The following STPG4 variants were observed in gnomAD, a reference collection of about 807,000 sequenced individuals.
STPG4 encodes the protein sperm-tail PG-rich repeat containing 4.
In STPG4, 41 loss-of-function variants were observed where a neutral mutation model predicts 31.5. That is an observed-to-expected ratio of 1.30 (90% CI 1.01 to 1.69). The LOEUF (loss-of-function observed/expected upper bound fraction) is 1.69, where lower values mean the gene tolerates loss of function less well. STPG4 is among the 40% of genes most tolerant of loss of function. STPG4 has a pLI of 0.00. For synonymous variants in STPG4, 141 were observed against 103.0 expected (o/e 1.37, Z -2.24); for missense variants, 375 against 293.4 (o/e 1.28, Z -2.03).
intron 3 of STPG4, among the ~76,000 whole-genome samples, chr2:47,134,323 T>A (rs1266130275): frequency 6.6e-6 from 1 of 152,122 alleles, no homozygotes; most frequent in African/African-American, 2.4e-5. Flanking sequence ...CACAGAGTGG[T>A]TTCACTGCCC....
chr2:47,140,773 T>C (rs1686684726), intron 3 of STPG4, among the ~76,000 whole-genome samples: 1 of 152,132 alleles, frequency 6.6e-6, no homozygotes. Context: ...CCCAGACCCA[T>C]AAATAGGTGG....
intron 6 of STPG4, among the ~76,000 whole-genome samples, chr2:47,087,630 T>A (rs1007531219): frequency 6.6e-6 from 1 of 152,224 alleles, no homozygotes; most frequent in South Asian, 2.1e-4. Context: ...TAAAGTAAGG[T>A]GTTTCTCAAC....
chr2:47,151,914 G>GTTTTTT (rs1205503996), intron 2 of STPG4, among the ~76,000 whole-genome samples: 2 of 38,146 alleles, frequency 5.2e-5, no homozygotes, highest in African/African-American at 7.4e-5. Context: ...CTAGTTTTTT[G>GTTTTTT]TTTTGTTTTT....
At chr2:47,115,831 T>G (rs929151319) in intron 5 of STPG4, among the ~76,000 whole-genome samples, 1 of 152,084 alleles carries the variant, frequency 6.6e-6, no homozygotes, top group African/African-American at 2.4e-5. Context: ...TTTTTGTATT[T>G]TTATTAGAGA....
chr2:47,113,755 C>T (rs1328271078), intron 5 of STPG4, among the ~76,000 whole-genome samples: 2 of 151,906 alleles, frequency 1.3e-5, no homozygotes, highest in Non-Finnish European at 2.9e-5. Context: ...CAAATTTAGG[C>T]CGGGCGCAGT....
At chr2:47,112,696 G>A (rs1686066486) in intron 5 of STPG4, among the ~76,000 whole-genome samples, 1 of 152,172 alleles carries the variant, frequency 6.6e-6, no homozygotes, top group East Asian at 1.9e-4. Context: ...TATCAACATT[G>A]AGGCAGCCTA....
At chr2:47,090,398 T>A (rs1011337832) in intron 5 of STPG4, 24 bp from the exon 6 acceptor site, 2 of 1,414,544 alleles carry the variant, frequency 1.4e-6, no homozygotes, top group Admixed American at 4.0e-5. Context: ...AAAAAATTGC[T>A]TCATTATTAT....
At chr2:47,099,384 G>A (rs951275503) in intron 5 of STPG4, among the ~76,000 whole-genome samples, 3 of 152,212 alleles carry the variant, frequency 2.0e-5, no homozygotes, top group African/African-American at 4.8e-5. Context: ...CCCTGACAAC[G>A]CAAATGGCTA....
intron 5 of STPG4, among the ~76,000 whole-genome samples, chr2:47,097,638 AG>A (rs1435137231): frequency 6.6e-6 from 1 of 152,192 alleles, no homozygotes; most frequent in African/African-American, 2.4e-5. Flanking sequence ...TCTATGAGGA[AG>A]GGGCCCTCAT....
chr2:47,116,148 T>G (rs902744852), intron 5 of STPG4, among the ~76,000 whole-genome samples: 5 of 152,224 alleles, frequency 3.3e-5, no homozygotes, highest in African/African-American at 1.2e-4. Flanking sequence ...GGGGCCTATG[T>G]CCAGTGGCTG....
Position 47,130,248 on chromosome 2 carries a change from A to G in STPG4, c.412T>C (p.Ser138Pro). ...GGAAGCACGTTGTATTGCCCCGGAG[A>G]AAGCTGAAGTGACTGCACAGAATGG... ...LVDKDQSLQL[S>P]PGQYNVLPAP... Residue 138 changes from serine to proline, a missense_variant, in exon 4 of 7, where the codon TCT becomes CCT. Ser to Pro is a moderately conservative substitution (Grantham distance 74, BLOSUM62 -1). Coordinates refer to ENST00000445927, the MANE Select transcript of STPG4 (RefSeq NM_001163561.2). 2 of 1,614,108 alleles carry G rather than the reference A, an allele frequency of 1.2e-6. No individual in the cohort carries two copies. Among genetic ancestry groups the G allele is most frequent in the African/African-American group, 2.7e-5 (2 of 75,056 alleles).
intron 5 of STPG4, among the ~76,000 whole-genome samples, chr2:47,099,237 A>G (rs34511368): frequency 0.14 from 21,849 of 151,578 alleles, 1,660 homozygotes; most frequent in Non-Finnish European, 0.16. Flanking sequence ...TTTTCTTAGG[A>G]GGCCGCAGGA....
chr2:47,116,236 T>C (rs927861971), intron 5 of STPG4, among the ~76,000 whole-genome samples: 1 of 152,194 alleles, frequency 6.6e-6, no homozygotes, highest in Admixed American at 6.5e-5. Flanking sequence ...GTGTGGACTT[T>C]AAGAGGTGAT....
At chr2:47,089,836 T>C (rs947760106) in intron 6 of STPG4, among the ~76,000 whole-genome samples, 4 of 152,170 alleles carry the variant, frequency 2.6e-5, no homozygotes, top group African/African-American at 9.7e-5. Context: ...CGCTAATGCC[T>C]TAATGGTCCC....
At chr2:47,113,561 CATATT>C (rs1270444795) in intron 5 of STPG4, among the ~76,000 whole-genome samples, 3 of 152,232 alleles carry the variant, frequency 2.0e-5, no homozygotes, top group South Asian at 2.1e-4. Flanking sequence ...ACAAATCAAA[CATATT>C]AAAAGAACAT....
intron 5 of STPG4, among the ~76,000 whole-genome samples, chr2:47,103,363 A>G (rs1337400558): frequency 6.6e-6 from 1 of 151,924 alleles, no homozygotes; most frequent in Non-Finnish European, 1.5e-5. Context: ...TTATTACCCA[A>G]TCAGCCGCAG....
intron 5 of STPG4, among the ~76,000 whole-genome samples, chr2:47,125,391 A>G (rs1686345377): frequency 6.6e-6 from 1 of 152,168 alleles, no homozygotes; most frequent in Non-Finnish European, 1.5e-5. Context: ...ACTGCACTTC[A>G]GCCTGGGTGA....
At chr2:47,152,353 C>T (rs773919033) in intron 2 of STPG4, among the ~76,000 whole-genome samples, 10 of 152,184 alleles carry the variant, frequency 6.6e-5, no homozygotes, top group African/African-American at 1.4e-4. Context: ...CAGAATTGAA[C>T]GTTTAGTCAC....
chr2:47,118,223 GA>G (rs2103764254), intron 5 of STPG4, among the ~76,000 whole-genome samples: 1 of 152,252 alleles, frequency 6.6e-6, no homozygotes, highest in African/African-American at 2.4e-5. Flanking sequence ...ATTGCTGCCT[GA>G]GCTCCAGCTC....
Sources: allele counts gnomAD v4.1 joint callset (sites outside exome capture counted in the v4.1 genomes callset), GRCh38; gene constraint gnomAD v4.1.1; transcripts MANE v1.5; gene names NCBI Gene and HGNC (gene_info 2026-07-23, HGNC 2026-07-21).